Variants in DNAH6 observed in about 807,000 individuals in gnomAD.
The protein encoded by DNAH6 is axonemal beta dynein heavy chain 6.
In DNAH6, 340 loss-of-function variants were observed where a neutral mutation model predicts 491.4. That is an observed-to-expected ratio of 0.69 (90% CI 0.63 to 0.76). DNAH6 has a LOEUF of 0.76. Among genes scored for constraint, DNAH6 ranks in the 30% least tolerant of loss-of-function variants. DNAH6 has a pLI of 0.00. For synonymous variants in DNAH6, 1,603 were observed against 1,686.1 expected (o/e 0.95, Z 1.21); for missense variants, 4,443 against 4,972.2 (o/e 0.89, Z 3.20).
intron 21 of DNAH6, among the ~76,000 whole-genome samples, chr2:84,609,583 G>C (rs1261314801): frequency 6.6e-6 from 1 of 151,982 alleles, no homozygotes; most frequent in Non-Finnish European, 1.5e-5. Context: ...AATTAAGTTT[G>C]CCATCTTATA....
intron 61 of DNAH6, among the ~76,000 whole-genome samples, chr2:84,728,159 C>T (rs545920668): frequency 6.6e-6 from 1 of 152,182 alleles, no homozygotes; most frequent in Non-Finnish European, 1.5e-5. Context: ...GTAAGATGTG[C>T]CTTTTGCCTT....
At chr2:84,550,131 T>C (rs916194494) in intron 9 of DNAH6, 74 bp downstream of exon 9, 3 of 1,217,626 alleles carry the variant, frequency 2.5e-6, no homozygotes, top group Non-Finnish European at 3.4e-6. Flanking sequence ...CTCTATGAAT[T>C]ATGCTATTTT....
At position 84,787,247 on chromosome 2, in the gene DNAH6, C is replaced by A; in HGVS notation, c.11184C>A (p.Leu3728=). 6.5e-7 allele frequency: 1 copy of A among 1,546,784 alleles called. No individual in the cohort carries two copies. The highest frequency in any genetic ancestry group is 1.2e-5 in the South Asian group (1 of 83,514). The change falls in exon 68 of 77, where the codon CTC becomes CTA. Residue 3728 remains leucine, a synonymous_variant. Transcript: ENST00000389394. ...DSDRECALLN[L]KLYCKEGKIP... is the part of the protein sequence containing the mutation. ...ACAGGGAATGTGCTTTACTGAATCT[C>A]AAACTCTATTGTAAAGAAGGAAAGA... is the stretch of plus-strand genomic sequence containing the variant.
At chr2:84,673,514 T>C (rs1187339011) in intron 40 of DNAH6, among the ~76,000 whole-genome samples, 1 of 152,186 alleles carries the variant, frequency 6.6e-6, no homozygotes, top group Non-Finnish European at 1.5e-5. Context: ...CAGGGTTCTC[T>C]AGAGGGACAG....
chr2:84,531,721 G>C (rs190531615), intron 4 of DNAH6, among the ~76,000 whole-genome samples: 1 of 142,016 alleles, frequency 7.0e-6, no homozygotes, highest in Admixed American at 7.6e-5. Context: ...AAGGAGAAGA[G>C]ATGGTAGACG....
chr2:84,664,699 A>C (rs572650279), intron 37 of DNAH6, among the ~76,000 whole-genome samples: 1 of 152,208 alleles, frequency 6.6e-6, no homozygotes, highest in African/African-American at 2.4e-5. Context: ...CAAGATAGAA[A>C]GTTAACAAGG....
At chr2:84,664,398 A>G (rs1358856766) in intron 37 of DNAH6, among the ~76,000 whole-genome samples, 5 of 152,182 alleles carry the variant, frequency 3.3e-5, no homozygotes, top group African/African-American at 7.2e-5. Context: ...AAAGAGATGC[A>G]GGAAGATCTA....
chr2:84,627,778 A>G (rs1257781310), intron 29 of DNAH6, among the ~76,000 whole-genome samples: 2 of 152,022 alleles, frequency 1.3e-5, no homozygotes, highest in African/African-American at 4.8e-5. Context: ...TGGGCCTCCT[A>G]CTTCTGTTCT....
In DNAH6 at chr2:84,715,445, G is replaced by T. The variant is rs557605491; in HGVS notation, c.9544-115G>T. ...AGTATGTGTGGGGGTAGGTGTGTGT[G>T]CAATTAGACCTGAGATACATCCGCC... On this transcript the variant is annotated intron_variant, in intron 57 of 76. Transcript: ENST00000389394. 3.2e-4 allele frequency: 289 copies of T among 889,668 alleles called. 1 individual carries two copies. The highest frequency in any genetic ancestry group is 4.8e-4 in the Non-Finnish European group (277 of 573,080). The allele number at this position is 889,668 out of a possible 1,614,324, so 55.1% of individuals were successfully genotyped here.
At chr2:84,739,610 GT>G (rs1460253346) in intron 62 of DNAH6, among the ~76,000 whole-genome samples, 1 of 152,172 alleles carries the variant, frequency 6.6e-6, no homozygotes, top group African/African-American at 2.4e-5. Context: ...AGTTCTGAAA[GT>G]CTTTCTTTTG....
chr2:84,816,335 A>G (rs1170221522), intron 76 of DNAH6, among the ~76,000 whole-genome samples: 1 of 152,238 alleles, frequency 6.6e-6, no homozygotes, highest in Non-Finnish European at 1.5e-5. Flanking sequence ...TTTAACAAGT[A>G]GAGACTTCCA....
At chr2:84,795,047 A>T (rs1419884997) in intron 68 of DNAH6, among the ~76,000 whole-genome samples, 3 of 148,680 alleles carry the variant, frequency 2.0e-5, no homozygotes, top group African/African-American at 7.5e-5. Flanking sequence ...ATGAAATTGG[A>T]AATCATCATT....
chr2:84,544,610 T>A, intron 5 of DNAH6, 110 bp downstream of exon 5: 1 of 670,062 alleles, frequency 1.5e-6, no homozygotes, highest in Non-Finnish European at 2.4e-6. Flanking sequence ...TTTATATTCT[T>A]AAGAGAATTC....
the DNAH6 span, among the ~76,000 whole-genome samples, chr2:84,465,495 A>G: frequency 6.6e-6 from 1 of 152,174 alleles, no homozygotes; most frequent in African/African-American, 2.4e-5. Context: ...ACTCTGTCTC[A>G]AAACAAAAAG....
rs561806414 is a variant in DNAH6 at position 84,597,068 on chromosome 2, G to A, written c.2868+1279G>A. On this transcript the variant is annotated intron_variant, in intron 18 of 76. Transcript: ENST00000389394. ...ATTATCCTAAAAATTTGCTTGTATT[G>A]TCCCTTTGTAGTCAGCCTTTCCCTT... Among the ~76,000 whole-genome samples the A allele has an allele frequency of 4.9e-4, 74 of 152,182 alleles. 1 individual carries two copies. The highest frequency in any genetic ancestry group is 1.7e-3 in the African/African-American group (72 of 41,528).
chr2:84,492,282 G>C, the DNAH6 span, among the ~76,000 whole-genome samples: 1 of 152,288 alleles, frequency 6.6e-6, no homozygotes, highest in African/African-American at 2.4e-5. Flanking sequence ...CCTTAGAGTA[G>C]AGACCTTCTG....
At chr2:84,694,157 A>T in intron 45 of DNAH6, 92 bp from the exon 46 acceptor site, 1 of 1,156,880 alleles carries the variant, frequency 8.6e-7, no homozygotes, top group Non-Finnish European at 1.2e-6. Flanking sequence ...AGGAGGCTCC[A>T]CTGGCCACCA....
intron 46 of DNAH6, among the ~76,000 whole-genome samples, chr2:84,695,865 G>T (rs1258314316): frequency 6.6e-6 from 1 of 152,012 alleles, no homozygotes; most frequent in Non-Finnish European, 1.5e-5. Flanking sequence ...AAGCTCCAAA[G>T]ATCAAGTCAT....
chr2:84,497,597 T>G, the DNAH6 span, among the ~76,000 whole-genome samples: 5 of 152,180 alleles, frequency 3.3e-5, no homozygotes, highest in Non-Finnish European at 7.4e-5. Context: ...CAACCCAGAA[T>G]TTTAAGCCAT....
Sources: allele counts gnomAD v4.1 joint callset (sites outside exome capture counted in the v4.1 genomes callset), GRCh38; gene constraint gnomAD v4.1.1; transcripts MANE v1.5; gene names NCBI Gene and HGNC (gene_info 2026-07-23, HGNC 2026-07-21).